The following KLHL1 variants were observed in gnomAD, a reference collection of about 807,000 sequenced individuals.
KLHL1 encodes kelch-like protein 1.
Under a neutral mutation model 77.7 loss-of-function variants are expected in KLHL1, and 47 were observed. The ratio of observed to expected loss-of-function variants is 0.60; its 90% confidence interval spans 0.48 to 0.77. The LOEUF (loss-of-function observed/expected upper bound fraction) is 0.77. Among genes scored for constraint, KLHL1 ranks in the 30% least tolerant of loss-of-function variants. KLHL1 has a pLI of 0.00. For missense variants in KLHL1, 925 were observed against 910.8 expected, an observed-to-expected ratio of 1.02 and a Z score of -0.20; for synonymous variants, 360 against 325.2, an observed-to-expected ratio of 1.11 and a Z score of -1.15.
intron 1 of KLHL1, among the ~76,000 whole-genome samples, chr13:70,097,579 C>A (rs79605435): frequency 0.024 from 3,602 of 152,044 alleles, 102 homozygotes; most frequent in African/African-American, 0.067. Flanking sequence ...AATCTTGGAC[C>A]TCTTTATGTA....
At chr13:69,933,033 C>A (rs1359979001) in intron 4 of KLHL1, among the ~76,000 whole-genome samples, 5 of 151,896 alleles carry the variant, frequency 3.3e-5, no homozygotes, top group Admixed American at 6.6e-5. Context: ...TTGTACCCAG[C>A]CTGCCACATT....
chr13:70,092,617 A>G (rs1465088622), intron 1 of KLHL1, among the ~76,000 whole-genome samples: 1 of 152,198 alleles, frequency 6.6e-6, no homozygotes, highest in Admixed American at 6.6e-5. Context: ...AAAGCATTCA[A>G]TGGATTATAT....
chr13:69,725,060 T>A (rs1412411065), intron 8 of KLHL1, among the ~76,000 whole-genome samples: 1 of 152,140 alleles, frequency 6.6e-6, no homozygotes, highest in African/African-American at 2.4e-5. Flanking sequence ...GAAACTCTAA[T>A]CCTTTAAAGA....
At chr13:69,745,042 GT>G (rs200428292) in intron 7 of KLHL1, among the ~76,000 whole-genome samples, 36 of 148,232 alleles carry the variant, frequency 2.4e-4, no homozygotes, top group East Asian at 1.4e-3. Context: ...AGCTTTCCAG[GT>G]TTTTTTTTTA....
At chr13:69,951,942 T>G (rs900631397) in intron 3 of KLHL1, among the ~76,000 whole-genome samples, 7 of 151,432 alleles carry the variant, frequency 4.6e-5, no homozygotes, top group Non-Finnish European at 1.5e-5. Flanking sequence ...AAGTATGCAA[T>G]TCTTTCTGAA....
At chr13:69,942,599 C>A (rs2138305472) in intron 3 of KLHL1, among the ~76,000 whole-genome samples, 1 of 152,034 alleles carries the variant, frequency 6.6e-6, no homozygotes, top group African/African-American at 2.4e-5. Flanking sequence ...ATTTTTTAAA[C>A]CTATAATAAT....
intron 9 of KLHL1, among the ~76,000 whole-genome samples, chr13:69,717,267 A>G (rs970263713): frequency 6.6e-5 from 10 of 152,192 alleles, no homozygotes; most frequent in Admixed American, 2.0e-4. Context: ...ATTATATACT[A>G]CAGAACATTT....
intron 6 of KLHL1, among the ~76,000 whole-genome samples, chr13:69,833,747 G>GTA (rs71196266): frequency 0.098 from 13,965 of 142,170 alleles, 764 homozygotes; most frequent in Non-Finnish European, 0.13. Flanking sequence ...AGAAATAATG[G>GTA]TATATATATA....
At position 69,701,393 on chromosome 13, in the gene KLHL1, T is replaced by C. The variant is rs1392718152; in HGVS notation, c.*309A>G. 4.2e-6 allele frequency: 1 copy of C among 240,068 alleles called. No individual in the cohort carries two copies. The highest frequency in any genetic ancestry group is 8.0e-6 in the Non-Finnish European group (1 of 125,762). The allele number at this position is 240,068 out of a possible 1,614,324, so 14.9% of individuals were successfully genotyped here. Reference sequence around the variant, plus strand: ...CCATGTCACAAATATTGGTCTCTCCTTTCAACTGCTCAAGAAAAAACAAGC... The same window carrying C: ...CCATGTCACAAATATTGGTCTCTCCCTTCAACTGCTCAAGAAAAAACAAGC... On this transcript the variant is annotated 3_prime_UTR_variant, in exon 11 of 11. Transcript: ENST00000377844.
intron 4 of KLHL1, among the ~76,000 whole-genome samples, chr13:69,927,150 T>A (rs1298783394): frequency 6.6e-6 from 1 of 151,960 alleles, no homozygotes; most frequent in African/African-American, 2.4e-5. Flanking sequence ...TGGAGAAAAA[T>A]GTTATTTTCA....
intron 7 of KLHL1, among the ~76,000 whole-genome samples, chr13:69,760,776 G>C (rs1056707335): frequency 9.2e-5 from 14 of 152,140 alleles, no homozygotes; most frequent in Non-Finnish European, 2.1e-4. Flanking sequence ...ACATCAATAA[G>C]CATCCCTGGA....
chr13:69,807,106 C>A (rs1877649625), intron 6 of KLHL1, among the ~76,000 whole-genome samples: 1 of 152,136 alleles, frequency 6.6e-6, no homozygotes. Flanking sequence ...GCAACTGTCA[C>A]CTGATCAAGG....
chr13:69,905,295 A>C (rs1364275740), intron 4 of KLHL1, among the ~76,000 whole-genome samples: 1 of 152,124 alleles, frequency 6.6e-6, no homozygotes, highest in African/African-American at 2.4e-5. Context: ...AATTTTATAA[A>C]GTTAAAATCA....
chr13:69,907,134 AG>A (rs1373595560), intron 4 of KLHL1, among the ~76,000 whole-genome samples: 1 of 152,068 alleles, frequency 6.6e-6, no homozygotes, highest in Non-Finnish European at 1.5e-5. Context: ...AGCAGTTGAT[AG>A]GTTGGTAACA....
intron 4 of KLHL1, among the ~76,000 whole-genome samples, chr13:69,938,467 T>C (rs775906185): frequency 2.0e-5 from 3 of 152,086 alleles, no homozygotes; most frequent in Non-Finnish European, 4.4e-5. Flanking sequence ...TATTGTGCGA[T>C]AAATTGCAGA....
intron 1 of KLHL1, among the ~76,000 whole-genome samples, chr13:70,073,869 A>C (rs1887198831): frequency 1.3e-5 from 2 of 151,172 alleles, no homozygotes; most frequent in South Asian, 4.3e-4. Flanking sequence ...CTTGTTGCCC[A>C]GGCTGGAGGG....
At chr13:69,993,365 G>A (rs890977293) in intron 1 of KLHL1, among the ~76,000 whole-genome samples, 1 of 152,002 alleles carries the variant, frequency 6.6e-6, no homozygotes, top group African/African-American at 2.4e-5. Context: ...CCAAATGAAG[G>A]AGCTTCATCC....
At chr13:70,068,214 G>A (rs1025476667) in intron 1 of KLHL1, among the ~76,000 whole-genome samples, 10 of 151,942 alleles carry the variant, frequency 6.6e-5, no homozygotes, top group African/African-American at 1.7e-4. Context: ...GGTGGCGGGC[G>A]CCTGTAGTCC....
intron 4 of KLHL1, 34 bp downstream of exon 4, chr13:69,940,006 G>A (rs886382815): frequency 7.4e-6 from 11 of 1,486,680 alleles, no homozygotes; most frequent in African/African-American, 1.4e-5. Flanking sequence ...AACACAGAGT[G>A]TGTCTCCATT....
Sources: gnomAD v4.1 joint callset for allele counts (sites outside exome capture counted in the v4.1 genomes callset) on GRCh38, gnomAD v4.1.1 for gene constraint, MANE v1.5 for transcripts, NCBI Gene and HGNC (gene_info 2026-07-23, HGNC 2026-07-21) for gene names.